The following MSR1 variants were observed in gnomAD, a reference collection of about 807,000 sequenced individuals.
MSR1 encodes the protein macrophage scavenger receptor 1.
A neutral mutation model predicts 47.2 loss-of-function variants in MSR1; 53 were observed. The ratio of observed to expected loss-of-function variants is 1.12; its 90% CI spans 0.90 to 1.41. The LOEUF is 1.41. Ranked by LOEUF, MSR1 falls within the 40% of genes most tolerant of loss-of-function variation. The probability of loss-of-function intolerance (pLI) is 0.00; values close to 1 mark genes in which losing one functional copy is unlikely to be tolerated. For missense variants in MSR1, 786 were observed against 546.9 expected (o/e 1.44, Z -4.36); for synonymous variants, 239 against 185.6 (o/e 1.29, Z -2.34).
intron 8 of MSR1, chr8:16,140,658 T>G: frequency 1.6e-6 from 2 of 1,220,030 alleles, no homozygotes; most frequent in Non-Finnish European, 2.1e-6. Context: ...ATAAATTAAA[T>G]TGGGTTCAAG....
At position 16,134,489 on chromosome 8, in the gene MSR1, T is replaced by C. The variant is rs200835282; in HGVS notation, c.1033+9069A>G. On this transcript the variant is annotated intron_variant, in intron 8 of 9. Transcript: ENST00000262101. ...AAAGATGGCAAACTTAGTTGATATA[T>C]GTTGTGTGTATTCTGACTGCTCCAC... Among the ~76,000 whole-genome samples the C allele has an allele frequency of 2.0e-5, 3 of 152,230 alleles. No individual in the cohort carries two copies. The East Asian group carries it at 5.8e-4, about 29-fold the overall frequency.
At chr8:16,186,323 G>A (rs1801999182) in intron 1 of MSR1, 2 of 835,700 alleles carry the variant, frequency 2.4e-6, no homozygotes, top group Non-Finnish European at 3.8e-6. Context: ...TCACTCCCTT[G>A]GTGATCTCAC....
At chr8:16,190,181 A>G (rs1802158797) in intron 1 of MSR1, among the ~76,000 whole-genome samples, 1 of 152,100 alleles carries the variant, frequency 6.6e-6, no homozygotes. Flanking sequence ...TACAGATGTG[A>G]GCCACTGCCC....
At chr8:16,137,316 A>T (rs1800415613) in intron 8 of MSR1, among the ~76,000 whole-genome samples, 1 of 152,052 alleles carries the variant, frequency 6.6e-6, no homozygotes, top group Non-Finnish European at 1.5e-5. Context: ...AATAACTGAG[A>T]ATGCTTATTT....
chr8:16,173,296 C>T (rs1487832420), intron 3 of MSR1, among the ~76,000 whole-genome samples: 1 of 152,152 alleles, frequency 6.6e-6, no homozygotes, highest in South Asian at 2.1e-4. Context: ...GCACTCTGCA[C>T]GAGCCTATCA....
At chr8:16,137,385 T>C (rs1417624967) in intron 8 of MSR1, among the ~76,000 whole-genome samples, 1 of 152,154 alleles carries the variant, frequency 6.6e-6, no homozygotes, top group Middle Eastern at 3.2e-3. Flanking sequence ...ACTAGGCCCA[T>C]TCTAGAAAAC....
intron 8 of MSR1, among the ~76,000 whole-genome samples, chr8:16,129,450 T>C (rs2117080607): frequency 6.6e-6 from 1 of 152,194 alleles, no homozygotes; most frequent in East Asian, 1.9e-4. Flanking sequence ...AATCTCGTCT[T>C]AAGATTCACC....
chr8:16,147,799 G>C (rs1800741024), intron 7 of MSR1, among the ~76,000 whole-genome samples: 1 of 152,096 alleles, frequency 6.6e-6, no homozygotes, highest in African/African-American at 2.4e-5. Flanking sequence ...GATATGTTTT[G>C]TCAAGGGACT....
intron 5 of MSR1, among the ~76,000 whole-genome samples, chr8:16,158,467 C>T (rs1239745169): frequency 6.6e-6 from 1 of 151,944 alleles, no homozygotes; most frequent in African/African-American, 2.4e-5. Context: ...CAGACGATAA[C>T]ATAGCACTAA....
chr8:16,117,287 C>T lies in MSR1; in HGVS notation c.1222+3131G>A, dbSNP rs138318557. Among the ~76,000 whole-genome samples, 326 of 152,194 alleles carry T rather than the reference C, an allele frequency of 2.1e-3. 1 individual carries two copies. The highest frequency in any genetic ancestry group is 6.9e-3 in the African/African-American group (288 of 41,546). ...ACACATGTGAGGGATCTAGGTTGCA[C>T]GCTTCTTATGAGAATCTAATGTCTG... On this transcript the variant is annotated intron_variant, in intron 9 of 9. Coordinates refer to ENST00000262101, the MANE Select transcript of MSR1 (RefSeq NM_138715.3).
At chr8:16,184,349 C>T (rs548755457) in intron 1 of MSR1, among the ~76,000 whole-genome samples, 9 of 152,132 alleles carry the variant, frequency 5.9e-5, no homozygotes, top group South Asian at 2.1e-4. Context: ...TTAATTTGAT[C>T]TATTACATCT....
intron 8 of MSR1, among the ~76,000 whole-genome samples, chr8:16,128,460 C>T (rs1002214019): frequency 3.9e-5 from 6 of 151,970 alleles, no homozygotes; most frequent in African/African-American, 1.4e-4. Context: ...AGAAGGGGGC[C>T]GTCTGCAAGC....
At chr8:16,171,264 A>G (rs74533545) in intron 3 of MSR1, among the ~76,000 whole-genome samples, 6,713 of 151,228 alleles carry the variant, frequency 0.044, 483 homozygotes, top group African/African-American at 0.14. Context: ...GCTGTTTGAT[A>G]AGCATTACTA....
intron 9 of MSR1, among the ~76,000 whole-genome samples, chr8:16,112,896 T>A (rs918360141): frequency 6.6e-5 from 10 of 151,364 alleles, no homozygotes; most frequent in African/African-American, 2.4e-4. Flanking sequence ...ATTTCCTTTA[T>A]AATTTGAGGG....
At chr8:16,127,278 A>G (rs17620682) in intron 8 of MSR1, among the ~76,000 whole-genome samples, 1 of 152,208 alleles carries the variant, frequency 6.6e-6, no homozygotes, top group South Asian at 2.1e-4. Flanking sequence ...CCTGAGCCCA[A>G]CTTCTAGAAC....
intron 3 of MSR1, among the ~76,000 whole-genome samples, chr8:16,174,474 T>A (rs1801582539): frequency 6.6e-6 from 1 of 152,188 alleles, no homozygotes; most frequent in South Asian, 2.1e-4. Context: ...ATACAAGCTA[T>A]CTACCCTTGT....
At chr8:16,117,910 C>T (rs987984652) in intron 9 of MSR1, among the ~76,000 whole-genome samples, 2 of 152,184 alleles carry the variant, frequency 1.3e-5, no homozygotes, top group African/African-American at 4.8e-5. Flanking sequence ...AAATAATGTG[C>T]ACAATAAATG....
intron 8 of MSR1, chr8:16,140,775 T>C: frequency 6.9e-7 from 1 of 1,447,608 alleles, no homozygotes; most frequent in South Asian, 1.5e-5. Context: ...GAGGTGATGG[T>C]GGAGTAATTG....
rs1253304180 is a variant in MSR1 at position 16,108,666 on chromosome 8, A to G, written c.*1419T>C. Reference sequence around the variant, plus strand: ...CAAAATTATGCTGCCAGAGAAAATCAGCAATGTTAAACAAGTAGAAGAATG... The same window carrying G: ...CAAAATTATGCTGCCAGAGAAAATCGGCAATGTTAAACAAGTAGAAGAATG... On this transcript the variant is annotated 3_prime_UTR_variant, in exon 10 of 10. Transcript: ENST00000262101. The G allele has an allele frequency of 6.6e-6, 1 of 152,144 alleles. No individual in the cohort carries two copies. The highest frequency in any genetic ancestry group is 2.4e-5 in the African/African-American group (1 of 41,450). 9.4% of individuals were successfully genotyped at this position (152,144 alleles called of 1,614,324 possible).
Sources: allele counts gnomAD v4.1 joint callset (sites outside exome capture counted in the v4.1 genomes callset), GRCh38; gene constraint gnomAD v4.1.1; transcripts MANE v1.5; gene names NCBI Gene and HGNC (gene_info 2026-07-23, HGNC 2026-07-21).